Variants in IGF2 observed in about 807,000 individuals in gnomAD.
IGF2 encodes insulin like growth factor 2.
Under a neutral mutation model 12.0 loss-of-function variants are expected in IGF2, and 2 were observed. The observed-to-expected ratio is 0.17, with a 90% confidence interval of 0.07 to 0.52. The LOEUF (loss-of-function observed/expected upper bound fraction) is 0.52, where lower values mean the gene tolerates loss of function less well. Ranked by LOEUF, IGF2 falls within the 20% of genes least tolerant of loss-of-function variation. IGF2 has a pLI of 0.95. For missense variants in IGF2, 211 were observed against 268.0 expected, an observed-to-expected ratio of 0.79 and a Z score of 1.48; for synonymous variants, 105 against 110.1, an observed-to-expected ratio of 0.95 and a Z score of 0.29.
upstream of IGF2, chr11:2,140,371 A>G: frequency 1.5e-6 from 2 of 1,368,162 alleles, no homozygotes; most frequent in Non-Finnish European, 9.9e-7. Flanking sequence ...AAAATCCCGC[A>G]CCCCGCCAGC....
Position 2,135,515 on chromosome 11 carries a change from G to A in IGF2, c.9C>T (p.Ile3=). 2 of 1,613,442 alleles carry A rather than the reference G, an allele frequency of 1.2e-6. No individual in the cohort carries two copies. The highest frequency in any genetic ancestry group is 1.7e-6 in the Non-Finnish European group (2 of 1,179,766). The change falls in exon 2 of 4, where the codon ATC becomes ATT. Residue 3 remains isoleucine, a synonymous_variant. Coordinates refer to ENST00000416167, the MANE Select transcript of IGF2 (RefSeq NM_000612.6). ...GCACCAGCATCGACTTCCCCATTGG[G>A]ATTCCCATTGGTGTCTGGGGGCGGG... is the stretch of plus-strand genomic sequence containing the variant. MG[I]PMGKSMLVLL... is the part of the protein sequence containing the mutation.
chr11:2,140,431 C>T (rs1167780832), upstream of IGF2: 2 of 791,048 alleles, frequency 2.5e-6, no homozygotes, highest in South Asian at 1.8e-5. Context: ...GGCGGAATCT[C>T]GCGCCCCCCT....
chr11:2,132,861 G>A lies in IGF2; in HGVS notation c.*126C>T. Reference sequence around the variant, plus strand: ...CGGGGAGGCGGGGCACGGGGACTGGGTCAGGAGAAGCCCCAGGGGGACGTG... The same window carrying A: ...CGGGGAGGCGGGGCACGGGGACTGGATCAGGAGAAGCCCCAGGGGGACGTG... On this transcript the variant is annotated 3_prime_UTR_variant, in exon 4 of 4. Coordinates refer to ENST00000416167, the MANE Select transcript of IGF2 (RefSeq NM_000612.6). 1.4e-6 allele frequency: 1 copy of A among 691,090 alleles called. No homozygotes were observed. The highest frequency in any genetic ancestry group is 2.5e-6 in the Non-Finnish European group (1 of 406,968). The allele number at this position is 691,090 out of a possible 1,614,324, so 42.8% of individuals were successfully genotyped here.
chr11:2,147,282 C>A, the IGF2 span: 2 of 320,292 alleles, frequency 6.2e-6, no homozygotes, highest in East Asian at 9.8e-5. This position sits in a 1 kb window ranked among gnomAD's most constrained non-coding sequence, Gnocchi z 7.2. Flanking sequence ...TCTCTCCCTG[C>A]CCCTCTCCCC....
chr11:2,148,003 G>A, the IGF2 span: 1 of 403,052 alleles, frequency 2.5e-6, no homozygotes, highest in African/African-American at 2.0e-5. This position sits in a 1 kb window ranked among gnomAD's most constrained non-coding sequence, Gnocchi z 4.3. Flanking sequence ...GTATAAGGGA[G>A]GGAAGAAGTG....
At chr11:2,139,947 C>A (rs1208179277), upstream of IGF2, among the ~76,000 whole-genome samples, 1 of 152,114 alleles carries the variant, frequency 6.6e-6, no homozygotes, top group Admixed American at 6.5e-5. Context: ...GGCCACGCGG[C>A]GCTTGGAGCC....
At chr11:2,146,342 G>T in the IGF2 span, 6 of 535,608 alleles carry the variant, frequency 1.1e-5, no homozygotes, top group Admixed American at 1.9e-5. Context: ...GCGCCCCTCC[G>T]TCACCCCCTG....
chr11:2,132,269 G>C lies in IGF2; in HGVS notation c.*718C>G, dbSNP rs1858660369. 5.0e-6 allele frequency: 1 copy of C among 200,338 alleles called. No homozygotes were observed. The highest frequency in any genetic ancestry group is 2.3e-5 in the African/African-American group (1 of 43,350). The allele number at this position is 200,338 out of a possible 1,614,324, so 12.4% of individuals were successfully genotyped here. On this transcript the variant is annotated 3_prime_UTR_variant, in exon 4 of 4. Coordinates refer to ENST00000416167, the MANE Select transcript of IGF2 (RefSeq NM_000612.6). ...TACTGGGTCCCTCTGACTGCTCTGTGATTTTTAGTGATGGAAAAGGGAGTG... is the reference window on the plus strand; with the variant it reads ...TACTGGGTCCCTCTGACTGCTCTGTCATTTTTAGTGATGGAAAAGGGAGTG...
At chr11:2,149,067 C>T in the IGF2 span, 116 of 1,518,724 alleles carry the variant, frequency 7.6e-5, 1 homozygote, top group African/African-American at 6.3e-4. Flanking sequence ...GGCCCACCCA[C>T]GCCTGAACAC....
upstream of IGF2, among the ~76,000 whole-genome samples, chr11:2,143,321 C>T (rs1859710363): frequency 6.8e-6 from 1 of 146,978 alleles, no homozygotes; most frequent in African/African-American, 2.5e-5. Context: ...CAGCAAATGT[C>T]CCATGCTGAG....
intron 1 of IGF2, 114 bp downstream of exon 1, chr11:2,138,115 C>G (rs1859220840): frequency 1.6e-6 from 1 of 628,942 alleles, no homozygotes; most frequent in African/African-American, 2.0e-5. Flanking sequence ...CTCAGCCGCC[C>G]CGCCGAGCCC....
intron 1 of IGF2, among the ~76,000 whole-genome samples, chr11:2,136,888 C>G (rs1859099448): frequency 1.3e-5 from 2 of 152,216 alleles, no homozygotes; most frequent in African/African-American, 4.8e-5. Context: ...GGTCAGGGGA[C>G]CGGCAGAAAG....
rs765860126 is a variant in IGF2 at position 2,133,276 on chromosome 11, C to T, written c.307-53G>A. The T allele has an allele frequency of 1.5e-4, 198 of 1,300,934 alleles. No homozygotes were observed. The highest frequency in any genetic ancestry group is 1.8e-4 in the Non-Finnish European group (169 of 947,050). The allele number at this position is 1,300,934 out of a possible 1,614,324, so 80.6% of individuals were successfully genotyped here. A position where few individuals can be genotyped will look rare whatever the true frequency, so the allele number is the denominator to read the frequency against. On this transcript the variant is annotated intron_variant, in intron 3 of 3. Transcript: ENST00000416167. This position sits in a 1 kb window ranked among gnomAD's most constrained non-coding sequence, Gnocchi z 8.9. ...GTGCCTGCTCTCCACGCTCTTCCGC[C>T]TGAGCCGCCCGCCTGACCTGACAGG...
At chr11:2,140,979 T>C (rs753905020), upstream of IGF2, 14 of 280,198 alleles carry the variant, frequency 5.0e-5, no homozygotes, top group South Asian at 3.5e-4. Context: ...GTCCTCAGTG[T>C]CCGGGAGCAA....
chr11:2,146,399 T>G, the IGF2 span: 5 of 534,488 alleles, frequency 9.4e-6, no homozygotes, highest in South Asian at 7.0e-5. Flanking sequence ...CTCCCCTCGC[T>G]GGGGAAGGAC....
chr11:2,140,021 G>C, upstream of IGF2: 1 of 1,038,044 alleles, frequency 9.6e-7, no homozygotes, highest in Non-Finnish European at 1.3e-6. Flanking sequence ...CCAGGTGCGG[G>C]ACGCGCGGAA....
chr11:2,147,759 G>T, the IGF2 span: 2 of 1,248,898 alleles, frequency 1.6e-6, no homozygotes, highest in Non-Finnish European at 2.0e-6. This position sits in a 1 kb window ranked among gnomAD's most constrained non-coding sequence, Gnocchi z 7.2. Context: ...GGGGCTGGGG[G>T]CTGGAATCCA....
chr11:2,137,538 G>T (rs1398652839), intron 1 of IGF2, among the ~76,000 whole-genome samples: 1 of 151,900 alleles, frequency 6.6e-6, no homozygotes, highest in African/African-American at 2.4e-5. Flanking sequence ...AAGGGGGGGG[G>T]GGTCTCCTTC....
chr11:2,146,387 C>G, the IGF2 span: 4 of 535,178 alleles, frequency 7.5e-6, no homozygotes, highest in Non-Finnish European at 1.5e-5. Context: ...ACCTTGCGCT[C>G]ACTCCCCTCG....
Sources: allele counts gnomAD v4.1 joint callset (sites outside exome capture counted in the v4.1 genomes callset), GRCh38; gene constraint gnomAD v4.1.1; non-coding constraint Gnocchi (gnomAD v3.1); transcripts MANE v1.5; gene names NCBI Gene and HGNC (gene_info 2026-07-23, HGNC 2026-07-21).